The following ZBTB20 variants were observed in gnomAD, a reference collection of about 807,000 sequenced individuals.
ZBTB20 encodes zinc finger and BTB domain containing 20.
In ZBTB20, 9 loss-of-function variants were observed where a neutral mutation model predicts 56.9. That is an observed-to-expected ratio of 0.16 (90% CI 0.10 to 0.28). The LOEUF is 0.28. Among genes scored for constraint, ZBTB20 ranks in the 10% least tolerant of loss-of-function variants. ZBTB20 has a pLI of 1.00. For synonymous variants in ZBTB20, 417 were observed against 420.7 expected, an observed-to-expected ratio of 0.99 and a Z score of 0.11; for missense variants, 655 against 1,003.0, an observed-to-expected ratio of 0.65 and a Z score of 4.69.
chr3:114,780,393 T>C lies in ZBTB20; in HGVS notation c.-343+20708A>G, dbSNP rs183564202. On this transcript the variant is annotated intron_variant, in intron 5 of 11. Coordinates refer to ENST00000675478, the MANE Select transcript of ZBTB20 (RefSeq NM_001348800.3). ...AGTGAGGAAAAACAGAAAGGCTTTT[T>C]CATTGGTGCAGAGCACTAAGCAGAG... Among the ~76,000 whole-genome samples, 594 of 152,352 alleles carry C rather than the reference T, an allele frequency of 3.9e-3. 1 individual carries two copies. The highest frequency in any genetic ancestry group is 0.014 in the Middle Eastern group (4 of 294).
intron 2 of ZBTB20, among the ~76,000 whole-genome samples, chr3:115,046,469 G>A (rs879922515): frequency 2.0e-5 from 3 of 152,062 alleles, no homozygotes; most frequent in Admixed American, 1.3e-4. Context: ...CTCAGTGATC[G>A]TTGAGCCATA....
intron 2 of ZBTB20, among the ~76,000 whole-genome samples, chr3:114,991,506 G>A (rs2078808244): frequency 2.6e-5 from 4 of 152,214 alleles, no homozygotes; most frequent in Admixed American, 1.3e-4. Context: ...CATTTGCTGA[G>A]GAGTGCTTTA....
intron 7 of ZBTB20, among the ~76,000 whole-genome samples, chr3:114,473,845 G>A (rs1215447646): frequency 1.3e-5 from 2 of 152,166 alleles, no homozygotes; most frequent in Admixed American, 1.3e-4. Flanking sequence ...ACCCAGAGAA[G>A]TAAGAGGTAC....
chr3:114,856,149 G>A (rs540222182), intron 4 of ZBTB20, among the ~76,000 whole-genome samples: 185 of 152,208 alleles, frequency 1.2e-3, no homozygotes, highest in African/African-American at 3.4e-3. Context: ...ACTAAGTGAC[G>A]TCTAAGAGCC....
At chr3:114,910,613 G>C (rs544522038) in intron 3 of ZBTB20, among the ~76,000 whole-genome samples, 4 of 152,070 alleles carry the variant, frequency 2.6e-5, no homozygotes, top group South Asian at 2.1e-4. Context: ...TGTTTGATAA[G>C]AGTTTTGCAT....
intron 4 of ZBTB20, among the ~76,000 whole-genome samples, chr3:114,889,420 C>T (rs1369079516): frequency 6.6e-6 from 1 of 151,980 alleles, no homozygotes; most frequent in Non-Finnish European, 1.5e-5. Context: ...TCTTACAACT[C>T]AGAGATGAAT....
chr3:115,053,041 C>G (rs934580884), intron 2 of ZBTB20, among the ~76,000 whole-genome samples: 3 of 152,186 alleles, frequency 2.0e-5, no homozygotes, highest in African/African-American at 4.8e-5. Context: ...GCCTATAACT[C>G]TCTCTGTTGT....
At chr3:115,007,982 T>C (rs2079546294) in intron 2 of ZBTB20, among the ~76,000 whole-genome samples, 1 of 151,852 alleles carries the variant, frequency 6.6e-6, no homozygotes, top group African/African-American at 2.4e-5. Flanking sequence ...TTCTTGACCC[T>C]ATATATGGGT....
intron 3 of ZBTB20, among the ~76,000 whole-genome samples, chr3:114,925,774 C>A (rs1271724779): frequency 6.6e-6 from 1 of 152,182 alleles, no homozygotes; most frequent in East Asian, 1.9e-4. Context: ...GATCTGCCCA[C>A]CTTGGCCTCC....
At chr3:114,952,882 A>G (rs1347763122) in intron 3 of ZBTB20, among the ~76,000 whole-genome samples, 1 of 152,018 alleles carries the variant, frequency 6.6e-6, no homozygotes, top group Non-Finnish European at 1.5e-5. Context: ...ATGATACAAC[A>G]TTGCCACTGA....
At chr3:114,447,823 A>G (rs577519386) in intron 7 of ZBTB20, among the ~76,000 whole-genome samples, 1 of 152,324 alleles carries the variant, frequency 6.6e-6, no homozygotes, top group Admixed American at 6.5e-5. Context: ...GGAAAGTTAT[A>G]GACCTGAGCA....
At chr3:114,815,477 C>T (rs1182484124) in intron 4 of ZBTB20, among the ~76,000 whole-genome samples, 8 of 152,234 alleles carry the variant, frequency 5.3e-5, no homozygotes, top group Admixed American at 3.9e-4. Flanking sequence ...TTTGGCTTAC[C>T]CATTTTCCCC....
intron 5 of ZBTB20, among the ~76,000 whole-genome samples, chr3:114,746,661 C>T (rs1284401942): frequency 1.3e-5 from 2 of 152,090 alleles, no homozygotes; most frequent in African/African-American, 4.8e-5. Context: ...TCAAAACAGT[C>T]GTTACAAGCT....
intron 6 of ZBTB20, among the ~76,000 whole-genome samples, chr3:114,621,451 A>G (rs1449351815): frequency 1.3e-5 from 2 of 152,210 alleles, no homozygotes; most frequent in Non-Finnish European, 2.9e-5. Context: ...ATAAGCTAAC[A>G]TACATATACA....
chr3:114,390,970 G>C (rs1221007810), intron 7 of ZBTB20, among the ~76,000 whole-genome samples: 1 of 146,362 alleles, frequency 6.8e-6, no homozygotes, highest in Non-Finnish European at 1.5e-5. Context: ...CTACAGCTGG[G>C]GAGTCATCTT....
intron 5 of ZBTB20, among the ~76,000 whole-genome samples, chr3:114,765,227 C>A (rs905639172): frequency 5.3e-5 from 8 of 152,056 alleles, no homozygotes; most frequent in African/African-American, 1.7e-4. Flanking sequence ...TGTGCCCTCC[C>A]AAAATTCATA....
At chr3:114,525,153 CT>C (rs1223342886) in intron 6 of ZBTB20, among the ~76,000 whole-genome samples, 2 of 151,476 alleles carry the variant, frequency 1.3e-5, no homozygotes, top group Admixed American at 6.6e-5. Flanking sequence ...TATTTGTTTG[CT>C]TTTTTTGTTG....
At chr3:114,847,818 G>T (rs2074791797) in intron 4 of ZBTB20, among the ~76,000 whole-genome samples, 1 of 152,146 alleles carries the variant, frequency 6.6e-6, no homozygotes, top group Non-Finnish European at 1.5e-5. Context: ...AGGGTTCTTT[G>T]CACCCTGTGG....
intron 6 of ZBTB20, among the ~76,000 whole-genome samples, chr3:114,527,006 CG>C (rs1193920130): frequency 1.3e-5 from 2 of 151,958 alleles, no homozygotes; most frequent in Non-Finnish European, 2.9e-5. Context: ...TATCATTTTG[CG>C]TGAAAAATCT....
Sources: gnomAD v4.1 joint callset for allele counts (sites outside exome capture counted in the v4.1 genomes callset) on GRCh38, gnomAD v4.1.1 for gene constraint, MANE v1.5 for transcripts, NCBI Gene and HGNC (gene_info 2026-07-23, HGNC 2026-07-21) for gene names.